The following RPN2 variants were observed in gnomAD, a reference collection of about 807,000 sequenced individuals.
RPN2 encodes dolichyl-diphosphooligosaccharide--protein glycosyltransferase subunit 2.
A neutral mutation model predicts 71.4 loss-of-function variants in RPN2; 29 were observed. The observed-to-expected ratio is 0.41, with a 90% confidence interval of 0.30 to 0.55. The LOEUF is 0.55. Ranked by LOEUF, RPN2 falls within the 20% of genes least tolerant of loss-of-function variation. The probability of loss-of-function intolerance (pLI) is 0.35; values close to 1 mark genes in which losing one functional copy is unlikely to be tolerated. For synonymous variants in RPN2, 308 were observed against 305.0 expected (o/e 1.01, Z -0.10); for missense variants, 726 against 774.1 (o/e 0.94, Z 0.74).
chr20:37,227,107 C>G (rs2146675025), intron 11 of RPN2, among the ~76,000 whole-genome samples: 1 of 152,322 alleles, frequency 6.6e-6, no homozygotes, highest in Middle Eastern at 3.4e-3. Context: ...CTCTGCTCCT[C>G]TCTCCTCCCT....
At chr20:37,206,435 A>G (rs1002276747) in intron 6 of RPN2, among the ~76,000 whole-genome samples, 2 of 152,158 alleles carry the variant, frequency 1.3e-5, no homozygotes, top group African/African-American at 4.8e-5. Flanking sequence ...TTTGGAGACA[A>G]ACAGTCCTAC....
intron 1 of RPN2, among the ~76,000 whole-genome samples, chr20:37,180,958 C>T (rs1012284895): frequency 1.3e-5 from 2 of 152,122 alleles, no homozygotes; most frequent in Admixed American, 6.6e-5. Context: ...CAGCCGGGTG[C>T]GGTAGCTCAC....
At chr20:37,194,506 C>T (rs1470193763) in intron 2 of RPN2, among the ~76,000 whole-genome samples, 2 of 152,224 alleles carry the variant, frequency 1.3e-5, no homozygotes, top group Non-Finnish European at 2.9e-5. Context: ...AGGTGATCCA[C>T]CCGCCTCAGC....
chr20:37,236,784 G>GGTAGGTGGCAAAATGA, intron 16 of RPN2, 75 bp downstream of exon 16: 1 of 1,473,274 alleles, frequency 6.8e-7, no homozygotes, highest in Non-Finnish European at 9.5e-7. Context: ...CTCTTTGAAG[G>GGTAGGTGGCAAAATGA]GTAGGTGGCA....
At chr20:37,201,281 C>CTTTTTT (rs373838278) in intron 4 of RPN2, among the ~76,000 whole-genome samples, 1 of 105,122 alleles carries the variant, frequency 9.5e-6, no homozygotes, top group East Asian at 2.7e-4. Context: ...AGGTCATAAG[C>CTTTTTT]TTTTTTTTTT....
chr20:37,200,426 G>A (rs1253695905), intron 4 of RPN2: 4 of 523,864 alleles, frequency 7.6e-6, no homozygotes, highest in Non-Finnish European at 3.9e-6. Context: ...TGTGTTCACC[G>A]TTTCACTGCA....
Position 37,203,931 on chromosome 20 carries a change from G to A in RPN2, c.526G>A (p.Asp176Asn). The change falls in exon 5 of 17, where the codon GAC (aspartate) becomes AAC (asparagine). Residue 176 changes from aspartate (D) to asparagine (N), a missense_variant. Transcript: ENST00000237530. ...AGCATCCCACCTGTCCCAGCAGGCT[G>A]ACCTGAGGAGCATCGTGGAGGAGAT... ...QTASHLSQQA[D>N]LRSIVEEIED... is the part of the protein sequence containing the mutation. 1.9e-6 allele frequency: 3 copies of A among 1,614,092 alleles called. No individual in the cohort carries two copies. The highest frequency in any genetic ancestry group is 2.5e-6 in the Non-Finnish European group (3 of 1,179,952).
intron 14 of RPN2, among the ~76,000 whole-genome samples, chr20:37,232,760 G>C (rs554877282): frequency 6.6e-6 from 1 of 152,282 alleles, no homozygotes; most frequent in East Asian, 1.9e-4. Context: ...ACTGCTTGGG[G>C]CAGAAAACCA....
At chr20:37,238,827 C>T (rs746014509) in intron 16 of RPN2, 31 of 532,260 alleles carry the variant, frequency 5.8e-5, no homozygotes, top group Admixed American at 5.8e-4. Context: ...ATGACGGTCC[C>T]ATGGCAAATC....
chr20:37,201,677 A>G (rs769032632), intron 4 of RPN2, among the ~76,000 whole-genome samples: 3 of 152,174 alleles, frequency 2.0e-5, no homozygotes, highest in Non-Finnish European at 2.9e-5. Context: ...GTGTTCTCAT[A>G]TGCAAACCTG....
At chr20:37,187,520 A>AAAAAAAAAAAAAAAAAG in intron 2 of RPN2, among the ~76,000 whole-genome samples, 1 of 150,648 alleles carries the variant, frequency 6.6e-6, no homozygotes, top group African/African-American at 2.5e-5. Context: ...AAAAAAAAAA[A>AAAAAAAAAAAAAAAAAG]GATCAATCAT....
intron 8 of RPN2, 121 bp downstream of exon 8, chr20:37,210,286 C>T: frequency 6.5e-7 from 1 of 1,548,140 alleles, no homozygotes; most frequent in East Asian, 2.3e-5. Flanking sequence ...GTATCGAAAG[C>T]CTACAGTCGA....
chr20:37,194,886 G>C (rs2067221962), intron 2 of RPN2, among the ~76,000 whole-genome samples: 1 of 152,178 alleles, frequency 6.6e-6, no homozygotes, highest in Non-Finnish European at 1.5e-5. Flanking sequence ...GGCAGCCAGA[G>C]TAGCGGGGAG....
At chr20:37,236,822 C>G (rs1396285923) in intron 16 of RPN2, 113 bp downstream of exon 16, 1 of 1,059,368 alleles carries the variant, frequency 9.4e-7, no homozygotes, top group Non-Finnish European at 1.4e-6. Context: ...AGGGGCAAGT[C>G]TGACACCCTA....
At chr20:37,231,740 G>A (rs1269774178) in intron 13 of RPN2, among the ~76,000 whole-genome samples, 1 of 149,580 alleles carries the variant, frequency 6.7e-6, no homozygotes, top group Non-Finnish European at 1.5e-5. Flanking sequence ...AAATGAGAGC[G>A]GGAAGTTCGT....
intron 15 of RPN2, among the ~76,000 whole-genome samples, chr20:37,235,031 G>C (rs992600172): frequency 6.6e-6 from 1 of 152,088 alleles, no homozygotes; most frequent in Non-Finnish European, 1.5e-5. Flanking sequence ...CACTATCTGT[G>C]CGCCCATAGT....
intron 16 of RPN2, among the ~76,000 whole-genome samples, chr20:37,240,592 A>G (rs948369006): frequency 1.3e-5 from 2 of 152,088 alleles, no homozygotes; most frequent in African/African-American, 4.8e-5. Flanking sequence ...TCAGTTACTC[A>G]CTGCAGTCAC....
intron 16 of RPN2, chr20:37,238,330 T>A: frequency 8.3e-7 from 1 of 1,209,608 alleles, no homozygotes; most frequent in Non-Finnish European, 1.2e-6. Context: ...TGGGTGTTTG[T>A]CATTTCTTTC....
chr20:37,184,518 C>A, intron 2 of RPN2, 145 bp downstream of exon 2: 2 of 816,582 alleles, frequency 2.4e-6, no homozygotes, highest in South Asian at 1.5e-5. Flanking sequence ...TTTGGCCAGG[C>A]GTGGTGACTC....
Sources: allele counts gnomAD v4.1 joint callset (sites outside exome capture counted in the v4.1 genomes callset), GRCh38; gene constraint gnomAD v4.1.1; transcripts MANE v1.5; gene names NCBI Gene and HGNC (gene_info 2026-07-23, HGNC 2026-07-21).